Variants in FUZ observed in about 807,000 individuals in gnomAD.
The protein encoded by FUZ is fuzzy planar cell polarity protein.
Under a neutral mutation model 43.1 loss-of-function variants are expected in FUZ, and 31 were observed. That is an observed-to-expected ratio of 0.72 (90% CI 0.54 to 0.97). The LOEUF is 0.97. FUZ is among the 50% of genes least tolerant of loss of function. FUZ has a pLI of 0.00. For missense variants in FUZ, 539 were observed against 543.8 expected, an observed-to-expected ratio of 0.99 and a Z score of 0.09; for synonymous variants, 274 against 250.0, an observed-to-expected ratio of 1.10 and a Z score of -0.91.
At chr19:49,808,513 G>A (rs201455375) in intron 9 of FUZ, 25 bp from the exon 10 acceptor site, 122 of 1,604,816 alleles carry the variant, frequency 7.6e-5, no homozygotes, top group Non-Finnish European at 9.4e-6. Flanking sequence ...AGGCGGTGAT[G>A]CAGAGCGCCT....
At chr19:49,808,369 C>T in intron 10 of FUZ, 45 bp downstream of exon 10, 4 of 1,582,214 alleles carry the variant, frequency 2.5e-6, no homozygotes, top group Non-Finnish European at 3.4e-6. Context: ...ACCTGGGACT[C>T]AGTGTCCCCG....
At position 49,808,595 on chromosome 19, in the gene FUZ, C is replaced by A; in HGVS notation, c.937G>T (p.Val313Leu). ...TCACCTTTATCCCCCAAGGGCTCCA[C>A]GGTGAAGAGGCAGCGCTTCAGTTCC... ...HLELKRCLFT[V>L]EPLGDKEPSP... Residue 313 changes from valine to leucine, a missense_variant, in exon 9 of 11, where the codon GTG (valine) becomes TTG (leucine). Val to Leu is a conservative substitution (Grantham distance 32). Coordinates refer to ENST00000313777, the MANE Select transcript of FUZ (RefSeq NM_025129.5). 1 of 1,612,438 alleles carries A rather than the reference C, an allele frequency of 6.2e-7. No individual in the cohort carries two copies. The highest frequency in any genetic ancestry group is 8.5e-7 in the Non-Finnish European group (1 of 1,179,364).
chr19:49,807,328 C>T lies in FUZ; in HGVS notation c.1080G>A (p.Gln360=). 1 of 1,613,554 alleles carries T rather than the reference C, an allele frequency of 6.2e-7. No homozygotes were observed. The highest frequency in any genetic ancestry group is 1.6e-4 in the Middle Eastern group (1 of 6,062). The stretch of plus-strand genomic sequence containing the variant: ...ACACCAGGTAGCAAGCTCTGGGCAG[C>T]TGGGCCTGGTAGACCTCATCTTCTG... The part of the protein sequence containing the change: ...EKTEDEVYQA[Q]LPRACYLVLG... Residue 360 remains glutamine (Q), a synonymous_variant, in exon 11 of 11, where the codon CAG becomes CAA. Transcript: ENST00000313777.
chr19:49,809,492 C>T lies in FUZ; in HGVS notation c.576G>A (p.Glu192=). Residue 192 remains glutamate, a synonymous_variant, in exon 6 of 11, where the codon GAG becomes GAA. Coordinates refer to ENST00000313777, the MANE Select transcript of FUZ (RefSeq NM_025129.5). This position sits in a 1 kb window ranked among gnomAD's most constrained non-coding sequence, Gnocchi z 5.1. ...CGGGCGTCCCCAGCCGCCACCAACC[C>T]TCTGTTGCTGCCACCACCCGGCCGG... ...VVSGRVVAAT[E]GWWRLGTPEA... is the part of the protein sequence containing the mutation. 2 of 1,590,846 alleles carry T rather than the reference C, an allele frequency of 1.3e-6. No homozygotes were observed. Among genetic ancestry groups the T allele is most frequent in the Non-Finnish European group, 1.7e-6 (2 of 1,172,618 alleles).
At chr19:49,812,168 T>A in intron 3 of FUZ, 83 bp downstream of exon 3, 2 of 915,670 alleles carry the variant, frequency 2.2e-6, no homozygotes, top group Non-Finnish European at 3.5e-6. Context: ...GTGTTGGTGG[T>A]CTGCACTCCT....
At chr19:49,812,417 A>G in intron 2 of FUZ, 82 bp from the exon 3 acceptor site, 1 of 1,352,756 alleles carries the variant, frequency 7.4e-7, no homozygotes, top group South Asian at 1.2e-5. Context: ...TTGATCCTAG[A>G]ACACCAGATA....
At position 49,812,619 on chromosome 19, in the gene FUZ, C is replaced by T. The variant is rs754981200; in HGVS notation, c.229G>A (p.Asp77Asn). The T allele has an allele frequency of 1.9e-6, 3 of 1,614,142 alleles. No homozygotes were observed. Among genetic ancestry groups the T allele is most frequent in the Non-Finnish European group, 2.5e-6 (3 of 1,180,042 alleles). ...NTTVVWKSFH[D>N]SITLIVLSSE... ...CCCACGTTCCCTCCTGGGGACCTGTCATGGAAGCTTTTCCACACCACAGTC... is the reference window on the plus strand; with the variant it reads ...CCCACGTTCCCTCCTGGGGACCTGTTATGGAAGCTTTTCCACACCACAGTC... The change falls in exon 2 of 11, where the codon GAC (aspartate) becomes AAC (asparagine). Residue 77 changes from aspartate (D) to asparagine (N), a missense_variant. Coordinates refer to ENST00000313777, the MANE Select transcript of FUZ (RefSeq NM_025129.5).
chr19:49,809,712 A>G lies in FUZ; in HGVS notation c.493-137T>C. 2.5e-6 allele frequency: 2 copies of G among 815,056 alleles called. No homozygotes were observed. The highest frequency in any genetic ancestry group is 4.0e-6 in the Non-Finnish European group (2 of 499,824). 50.5% of individuals were successfully genotyped at this position (815,056 alleles called of 1,614,324 possible). A position where few individuals can be genotyped will look rare whatever the true frequency, so the allele number is the denominator to read the frequency against. On this transcript the variant is annotated intron_variant, in intron 5 of 10. Transcript: ENST00000313777. This position sits in a 1 kb window ranked among gnomAD's most constrained non-coding sequence, Gnocchi z 5.1. ...CGCAGTGGCCATGCTCCTACGTCTC[A>G]CCCTCTCTGAGCCTGAGTTCCTTCA... is the stretch of plus-strand genomic sequence containing the variant.
intron 3 of FUZ, 39 bp from the exon 4 acceptor site, chr19:49,811,738 G>A: frequency 5.3e-6 from 8 of 1,517,888 alleles, no homozygotes; most frequent in Non-Finnish European, 7.3e-6. Context: ...CGAGGGGCTG[G>A]GACTTGAACT....
Position 49,807,370 on chromosome 19 carries a change from T to G in FUZ, c.1038A>C (p.Pro346=). ...CATCTTCTGTCTTCTCTGGTGGCCC[T>G]GGCTCTGGAGAAAGAACAGGGGGCA... ...LVTSTHFPPE[P]GPPEKTEDEV... is the part of the protein sequence containing the mutation. Residue 346 remains proline (P), a synonymous_variant, in exon 11 of 11, where the codon CCA becomes CCC. Coordinates refer to ENST00000313777, the MANE Select transcript of FUZ (RefSeq NM_025129.5). 1 of 1,612,000 alleles carries G rather than the reference T, an allele frequency of 6.2e-7. No individual in the cohort carries two copies. The highest frequency in any genetic ancestry group is 1.3e-5 in the African/African-American group (1 of 74,956).
chr19:49,808,793 C>G lies in FUZ; in HGVS notation c.817G>C (p.Asp273His). The G allele has an allele frequency of 6.4e-7, 1 of 1,556,062 alleles. No individual in the cohort carries two copies. Among genetic ancestry groups the G allele is most frequent in the Non-Finnish European group, 8.7e-7 (1 of 1,150,432 alleles). ...LLERWWQPLL[D>H]PLRACLPLGP... ...AACGGCAGACAGGCCCGCAACGGGTCCAGCAGTGGCTGCCACCAGCGCTCC... is the reference window on the plus strand; with the variant it reads ...AACGGCAGACAGGCCCGCAACGGGTGCAGCAGTGGCTGCCACCAGCGCTCC... The change falls in exon 8 of 11, where the codon GAC (aspartate) becomes CAC (histidine). Residue 273 changes from aspartate (D) to histidine (H), a missense_variant. By Grantham distance (81) the Asp-to-His change is moderately conservative. Coordinates refer to ENST00000313777, the MANE Select transcript of FUZ (RefSeq NM_025129.5).
In FUZ at chr19:49,813,178, T is replaced by A; in HGVS notation, c.-72A>T. The A allele has an allele frequency of 7.4e-7, 1 of 1,356,778 alleles. No homozygotes were observed. Among genetic ancestry groups the A allele is most frequent in the Non-Finnish European group, 1.0e-6 (1 of 971,050 alleles). 84.0% of individuals were successfully genotyped at this position (1,356,778 alleles called of 1,614,324 possible). On this transcript the variant is annotated 5_prime_UTR_variant, in exon 1 of 11. Transcript: ENST00000313777. Reference sequence around the variant, plus strand: ...TCTTGGAGCATGGCGGTAATCAGAGTAACTCGGCCTGTGGTCCGGAGCCGC... The same window carrying A: ...TCTTGGAGCATGGCGGTAATCAGAGAAACTCGGCCTGTGGTCCGGAGCCGC...
At chr19:49,810,210 C>G (rs977969841) in intron 5 of FUZ, among the ~76,000 whole-genome samples, 2 of 152,108 alleles carry the variant, frequency 1.3e-5, no homozygotes, top group Admixed American at 1.3e-4. Context: ...AGAGCCAGCT[C>G]TGGATATAGT....
chr19:49,811,775 G>C, intron 3 of FUZ, 76 bp from the exon 4 acceptor site: 1 of 1,210,756 alleles, frequency 8.3e-7, no homozygotes, highest in Non-Finnish European at 1.2e-6. Flanking sequence ...GAGGGGGCTG[G>C]GACTCCCACT....
Position 49,809,295 on chromosome 19 carries a change from G to C in FUZ, c.691-37C>G, listed in dbSNP as rs2073627809. ...CACAGGCTGGGGCTCATCGCGGCCC[G>C]GCCCCTTTCCATCGCAGATCCCGCC... is the stretch of plus-strand genomic sequence containing the variant. On this transcript the variant is annotated intron_variant, in intron 6 of 10. Coordinates refer to ENST00000313777, the MANE Select transcript of FUZ (RefSeq NM_025129.5). This position sits in a 1 kb window ranked among gnomAD's most constrained non-coding sequence, Gnocchi z 5.1. The C allele has an allele frequency of 2.6e-6, 4 of 1,548,904 alleles. No homozygotes were observed. Among genetic ancestry groups the C allele is most frequent in the Non-Finnish European group, 3.5e-6 (4 of 1,146,224 alleles).
intron 3 of FUZ, 55 bp downstream of exon 3, chr19:49,812,196 A>T: frequency 8.0e-7 from 1 of 1,253,500 alleles, no homozygotes; most frequent in Non-Finnish European, 1.2e-6. Flanking sequence ...AGGGAAAAGG[A>T]TGCTGAGATC....
At position 49,813,177 on chromosome 19, in the gene FUZ, G is replaced by A. The variant is rs1568612503; in HGVS notation, c.-71C>T. ...GTCTTGGAGCATGGCGGTAATCAGAGTAACTCGGCCTGTGGTCCGGAGCCG... is the reference window on the plus strand; with the variant it reads ...GTCTTGGAGCATGGCGGTAATCAGAATAACTCGGCCTGTGGTCCGGAGCCG... On this transcript the variant is annotated 5_prime_UTR_variant, in exon 1 of 11. Transcript: ENST00000313777. 1.5e-6 allele frequency: 2 copies of A among 1,369,262 alleles called. No individual in the cohort carries two copies. Among genetic ancestry groups the A allele is most frequent in the Admixed American group, 2.0e-5 (1 of 50,772 alleles). 84.8% of individuals were successfully genotyped at this position (1,369,262 alleles called of 1,614,324 possible). A position where few individuals can be genotyped will look rare whatever the true frequency, so the allele number is the denominator to read the frequency against.
chr19:49,806,872 G>T lies in FUZ; in HGVS notation c.*279C>A. On this transcript the variant is annotated 3_prime_UTR_variant, in exon 11 of 11. Coordinates refer to ENST00000313777, the MANE Select transcript of FUZ (RefSeq NM_025129.5). Reference sequence around the variant, plus strand: ...GACAGAGAAGACACCAGGGTTTGGGGGATGCCTGGGACTTTCCTCCGGCCT... The same window carrying T: ...GACAGAGAAGACACCAGGGTTTGGGTGATGCCTGGGACTTTCCTCCGGCCT... 6.4e-7 allele frequency: 1 copy of T among 1,567,136 alleles called. No homozygotes were observed. The highest frequency in any genetic ancestry group is 8.6e-7 in the Non-Finnish European group (1 of 1,160,604).
In FUZ at chr19:49,808,835, G is replaced by A. The variant is rs1360100793; in HGVS notation, c.787-12C>T. 7 of 1,541,492 alleles carry A rather than the reference G, an allele frequency of 4.5e-6. No individual in the cohort carries two copies. In the Admixed American group the frequency reaches 5.9e-5, roughly 13 times the overall value. On this transcript the variant is annotated splice_polypyrimidine_tract_variant and intron_variant, in intron 7 of 10. Transcript: ENST00000313777. ...CAGCGCTCCAGAAGCTGCAGGGGGC[G>A]TGGTCATTGTGAGGTCGTCATGGGA...
Sources: gnomAD v4.1 joint callset for allele counts (sites outside exome capture counted in the v4.1 genomes callset) on GRCh38, gnomAD v4.1.1 for gene constraint, Gnocchi (gnomAD v3.1) non-coding constraint, MANE v1.5 for transcripts, NCBI Gene and HGNC (gene_info 2026-07-23, HGNC 2026-07-21) for gene names.